The following ARHGAP29 variants were observed in gnomAD, a reference collection of about 807,000 sequenced individuals.
ARHGAP29 encodes the protein Rho GTPase activating protein 29, also known as rho GTPase-activating protein 29.
A neutral mutation model predicts 122.6 loss-of-function variants in ARHGAP29; 43 were observed. The observed-to-expected ratio is 0.35, with a 90% CI of 0.27 to 0.45. The LOEUF is 0.45. Ranked by LOEUF, ARHGAP29 falls within the 20% of genes least tolerant of loss-of-function variation. ARHGAP29 has a pLI of 1.00. For missense variants in ARHGAP29, 1,303 were observed against 1,477.2 expected (o/e 0.88, Z 1.93); for synonymous variants, 506 against 497.1 (o/e 1.02, Z -0.24).
At chr1:94,187,160 G>A (rs1649858857) in intron 15 of ARHGAP29, among the ~76,000 whole-genome samples, 3 of 152,192 alleles carry the variant, frequency 2.0e-5, no homozygotes, top group African/African-American at 7.2e-5. Context: ...TACAAGCTAT[G>A]TCAGCAAAGG....
upstream of ARHGAP29, among the ~76,000 whole-genome samples, chr1:94,277,906 G>A (rs563140273): frequency 1.3e-5 from 2 of 152,262 alleles, no homozygotes; most frequent in African/African-American, 2.4e-5. Flanking sequence ...GCTACTGAAG[G>A]GAAAACAATT....
At position 94,236,787 on chromosome 1, in the gene ARHGAP29, C is replaced by G. The variant is rs929590502; in HGVS notation, c.-33+628G>C. On this transcript the variant is annotated intron_variant, in intron 1 of 22. Coordinates refer to ENST00000260526, the MANE Select transcript of ARHGAP29 (RefSeq NM_004815.4). ...AACTCTCAACGAAACCCAAAAAACA[C>G]AGACCAGGAGAAAATGCACCACGGA... Among the ~76,000 whole-genome samples, 4 of 152,052 alleles carry G rather than the reference C, an allele frequency of 2.6e-5. No individual in the cohort carries two copies. The East Asian group carries it at 7.7e-4, about 29-fold the overall frequency.
At position 94,182,250 on chromosome 1, in the gene ARHGAP29, ATC is replaced by A. The variant is rs777483808; in HGVS notation, c.2247+1899_2247+1900del. Among the ~76,000 whole-genome samples the A allele has an allele frequency of 3.4e-4, 52 of 152,196 alleles. 1 individual carries two copies. The highest frequency in any genetic ancestry group is 4.9e-4 in the Non-Finnish European group (33 of 68,020). On this transcript the variant is annotated intron_variant, in intron 19 of 22. Transcript: ENST00000260526. ...AAGGAAGAAAGATAGAGCTGAGGAA[ATC>A]TCTTAGAAAGTGTTGTAAGAAAACA...
intron 5 of ARHGAP29, among the ~76,000 whole-genome samples, chr1:94,207,372 T>G (rs1460874647): frequency 6.6e-6 from 1 of 152,044 alleles, no homozygotes; most frequent in Admixed American, 6.6e-5. Context: ...TTATATATCA[T>G]CACAGCTTTT....
At position 94,172,260 on chromosome 1, in the gene ARHGAP29, A is replaced by T. The variant is rs1648780925; in HGVS notation, c.*1609T>A. On this transcript the variant is annotated 3_prime_UTR_variant, in exon 23 of 23. Transcript: ENST00000260526. Reference sequence around the variant, plus strand: ...ATAGGTTGCTGTGAACTTGAAATAAAATAATCTATGTAGCACCTTGGCAAA... The same window carrying T: ...ATAGGTTGCTGTGAACTTGAAATAATATAATCTATGTAGCACCTTGGCAAA... 1 of 152,202 alleles carries T rather than the reference A, an allele frequency of 6.6e-6. No homozygotes were observed. Among genetic ancestry groups the T allele is most frequent in the Non-Finnish European group, 1.5e-5 (1 of 68,036 alleles). The allele number at this position is 152,202 out of a possible 1,614,324, so 9.4% of individuals were successfully genotyped here.
chr1:94,201,677 G>C (rs1214646984), intron 12 of ARHGAP29, 43 bp downstream of exon 12: 3 of 1,609,634 alleles, frequency 1.9e-6, no homozygotes, highest in Admixed American at 1.7e-5. Flanking sequence ...CTTGCCTGAT[G>C]GTCTTTTCTT....
At position 94,203,199 on chromosome 1, in the gene ARHGAP29, T is replaced by C; in HGVS notation, c.774A>G (p.Pro258=). The change falls in exon 9 of 23, where the codon CCA becomes CCG. Residue 258 remains proline (P), a synonymous_variant. Transcript: ENST00000260526. ...GAGCATTAGTAAACAGAGACTGCAG[T>C]GGCATGAACTCCTAAAATTTAAAAT... is the stretch of plus-strand genomic sequence containing the variant. ...RTNIGIQEFM[P]LQSLFTNALL... The C allele has an allele frequency of 6.3e-7, 1 of 1,592,756 alleles. No individual in the cohort carries two copies. The highest frequency in any genetic ancestry group is 8.5e-7 in the Non-Finnish European group (1 of 1,173,404).
chr1:94,181,883 A>C (rs1649486723), intron 19 of ARHGAP29, among the ~76,000 whole-genome samples: 2 of 152,334 alleles, frequency 1.3e-5, no homozygotes, highest in South Asian at 4.1e-4. Flanking sequence ...AACATAGCAG[A>C]TTTCAAAGAC....
intron 12 of ARHGAP29, among the ~76,000 whole-genome samples, chr1:94,199,469 G>A (rs1184601539): frequency 6.6e-6 from 1 of 152,084 alleles, no homozygotes; most frequent in African/African-American, 2.4e-5. Context: ...GCCAATGAGA[G>A]ACTGACTCTC....
the ARHGAP29 span, among the ~76,000 whole-genome samples, chr1:94,289,446 G>C: frequency 6.6e-6 from 1 of 152,132 alleles, no homozygotes; most frequent in East Asian, 1.9e-4. Flanking sequence ...GGCAGGGACA[G>C]TTTGACTTCC....
chr1:94,249,728 T>A (rs1355712732), intron 1 of ARHGAP29, among the ~76,000 whole-genome samples: 3 of 150,694 alleles, frequency 2.0e-5, no homozygotes, highest in Non-Finnish European at 4.4e-5. Flanking sequence ...TCTAGCCTGG[T>A]CAACAAGAGT....
At chr1:94,266,784 C>A (rs1654791396) in intron 1 of ARHGAP29, among the ~76,000 whole-genome samples, 1 of 152,210 alleles carries the variant, frequency 6.6e-6, no homozygotes, top group African/African-American at 2.4e-5. Context: ...TTGAATCAAA[C>A]TTTCTGATTG....
chr1:94,185,913 T>C (rs779455446), intron 16 of ARHGAP29, among the ~76,000 whole-genome samples: 2 of 152,206 alleles, frequency 1.3e-5, no homozygotes, highest in African/African-American at 4.8e-5. Flanking sequence ...TAATTCACTA[T>C]AAAATTATAG....
chr1:94,204,656 T>C (rs1368830140), intron 7 of ARHGAP29, among the ~76,000 whole-genome samples: 1 of 152,222 alleles, frequency 6.6e-6, no homozygotes, highest in Non-Finnish European at 1.5e-5. Flanking sequence ...GTAAATAAGA[T>C]AATGACTACG....
At chr1:94,245,720 C>T (rs1246595270) in intron 1 of ARHGAP29, among the ~76,000 whole-genome samples, 3 of 152,080 alleles carry the variant, frequency 2.0e-5, no homozygotes, top group Non-Finnish European at 4.4e-5. Flanking sequence ...CTATTGCTAC[C>T]GAAGATGCAA....
intron 2 of ARHGAP29, among the ~76,000 whole-genome samples, chr1:94,229,849 G>A (rs889321051): frequency 6.6e-6 from 1 of 151,390 alleles, no homozygotes; most frequent in Non-Finnish European, 1.5e-5. Flanking sequence ...AGTCCAGCTT[G>A]TTTTAAATTA....
chr1:94,278,147 C>G (rs1241929647), upstream of ARHGAP29, among the ~76,000 whole-genome samples: 1 of 152,070 alleles, frequency 6.6e-6, no homozygotes, highest in Non-Finnish European at 1.5e-5. Flanking sequence ...AAAACCCTAT[C>G]TCTACAAAAA....
chr1:94,310,431 AG>A, the ARHGAP29 span, among the ~76,000 whole-genome samples: 3 of 152,252 alleles, frequency 2.0e-5, no homozygotes, highest in Admixed American at 2.0e-4. Flanking sequence ...GAGCGTGCTC[AG>A]TAGAAAGCAA....
chr1:94,205,550 C>T (rs1271137295), intron 6 of ARHGAP29, 85 bp downstream of exon 6: 3 of 1,281,750 alleles, frequency 2.3e-6, no homozygotes, highest in Non-Finnish European at 3.3e-6. Flanking sequence ...CACTAGGTTA[C>T]TAAGCAAGAA....
Sources: allele counts gnomAD v4.1 joint callset (sites outside exome capture counted in the v4.1 genomes callset), GRCh38; gene constraint gnomAD v4.1.1; transcripts MANE v1.5; gene names NCBI Gene and HGNC (gene_info 2026-07-23, HGNC 2026-07-21).